Variants in SLIT3 observed in about 807,000 individuals in gnomAD.
SLIT3 encodes the protein slit homolog 3 protein.
In SLIT3, 68 loss-of-function variants were observed where a neutral mutation model predicts 184.0. The ratio of observed to expected loss-of-function variants is 0.37; its 90% confidence interval spans 0.30 to 0.45. SLIT3 has a LOEUF of 0.45. Ranked by LOEUF, SLIT3 falls within the 20% of genes least tolerant of loss-of-function variation. The pLI is 1.00. For missense variants in SLIT3, 1,707 were observed against 2,026.0 expected, an observed-to-expected ratio of 0.84 and a Z score of 3.02; for synonymous variants, 831 against 828.6, an observed-to-expected ratio of 1.00 and a Z score of -0.05.
chr5:168,858,746 T>A (rs73805263), intron 5 of SLIT3, among the ~76,000 whole-genome samples: 5,748 of 152,334 alleles, frequency 0.038, 385 homozygotes, highest in African/African-American at 0.13. Context: ...TTCTTTAAAA[T>A]GTTCCATTTC....
chr5:169,054,628 T>A (rs1757926560), intron 4 of SLIT3, among the ~76,000 whole-genome samples: 1 of 152,110 alleles, frequency 6.6e-6, no homozygotes. Flanking sequence ...TATTTCAAAG[T>A]AAAGTCCAAG....
chr5:169,273,021 C>G (rs899290435), intron 1 of SLIT3, among the ~76,000 whole-genome samples: 3 of 152,048 alleles, frequency 2.0e-5, no homozygotes, highest in Admixed American at 2.0e-4. Flanking sequence ...CCAAGAAACC[C>G]AAGAATAAAC....
chr5:168,855,157 A>G (rs1758818816), intron 5 of SLIT3, among the ~76,000 whole-genome samples: 1 of 152,172 alleles, frequency 6.6e-6, no homozygotes, highest in African/African-American at 2.4e-5. Context: ...AAGCCCTAGG[A>G]TCACATGAGA....
chr5:169,025,326 G>A lies in SLIT3; in HGVS notation c.414-141990C>T, dbSNP rs999471001. ...ACTTAGACTCCAGAGTTCCCAGCTC[G>A]TACCAGAAGGTACTTACTGAAAGTC... On this transcript the variant is annotated intron_variant, in intron 4 of 35. Coordinates refer to ENST00000519560, the MANE Select transcript of SLIT3 (RefSeq NM_003062.4). Among the ~76,000 whole-genome samples, 9 of 152,186 alleles carry A rather than the reference G, an allele frequency of 5.9e-5. 1 individual carries two copies. Among genetic ancestry groups the A allele is most frequent in the Non-Finnish European group, 1.2e-4 (8 of 68,038 alleles).
chr5:168,903,934 G>T (rs975858896), intron 4 of SLIT3, among the ~76,000 whole-genome samples: 6 of 152,222 alleles, frequency 3.9e-5, no homozygotes, highest in Non-Finnish European at 7.3e-5. Context: ...GACACTGGGT[G>T]GGATGACAGG....
intron 5 of SLIT3, among the ~76,000 whole-genome samples, chr5:168,846,271 G>A (rs1758462443): frequency 6.6e-6 from 1 of 152,116 alleles, no homozygotes; most frequent in African/African-American, 2.4e-5. Context: ...AGAAGCAGAA[G>A]CACATTTTCA....
intron 4 of SLIT3, among the ~76,000 whole-genome samples, chr5:169,126,319 GGAGA>G (rs1268368876): frequency 1.3e-5 from 2 of 152,168 alleles, no homozygotes; most frequent in African/African-American, 4.8e-5. Context: ...AAGGAAAGCA[GGAGA>G]GAGAGAGGAA....
chr5:169,062,938 A>C (rs1758226988), intron 4 of SLIT3, among the ~76,000 whole-genome samples: 1 of 152,236 alleles, frequency 6.6e-6, no homozygotes, highest in African/African-American at 2.4e-5. Flanking sequence ...CTGTGTGTGC[A>C]AGTGTGTATA....
At chr5:169,102,491 A>G (rs1253827871) in intron 4 of SLIT3, among the ~76,000 whole-genome samples, 2 of 152,172 alleles carry the variant, frequency 1.3e-5, no homozygotes, top group Non-Finnish European at 2.9e-5. Flanking sequence ...AATCATCTCT[A>G]GATTACTTAT....
At chr5:169,150,516 T>TACAC (rs58010997) in intron 4 of SLIT3, among the ~76,000 whole-genome samples, 5,270 of 145,392 alleles carry the variant, frequency 0.036, 235 homozygotes, top group East Asian at 0.26. Context: ...TTCACTCACA[T>TACAC]ACACACACAC....
chr5:169,047,080 A>G (rs536436645), intron 4 of SLIT3, among the ~76,000 whole-genome samples: 7 of 152,222 alleles, frequency 4.6e-5, no homozygotes, highest in African/African-American at 1.4e-4. Context: ...ACCAAAACCT[A>G]AAAAAACCCC....
At chr5:168,949,552 A>G (rs539666287) in intron 4 of SLIT3, among the ~76,000 whole-genome samples, 35 of 152,336 alleles carry the variant, frequency 2.3e-4, no homozygotes, top group Non-Finnish European at 4.3e-4. Context: ...CATGTAGACA[A>G]AAGACCCAAA....
rs557846479 is a variant in SLIT3, at chr5:169,026,806, C to T, written c.414-143470G>A. 5.7e-3 allele frequency among the ~76,000 whole-genome samples: 857 copies of T among 150,714 alleles called. 8 individuals carry two copies. The highest frequency in any genetic ancestry group is 0.02 in the African/African-American group (812 of 41,088). ...GAATACTATCATCAGAAAAAAAAAA[C>T]CCACCCCAAAACTCTAGAGCTACTT... On this transcript the variant is annotated intron_variant, in intron 4 of 35. Transcript: ENST00000519560.
intron 4 of SLIT3, among the ~76,000 whole-genome samples, chr5:169,129,537 G>A (rs1761214140): frequency 6.6e-6 from 1 of 152,118 alleles, no homozygotes; most frequent in Admixed American, 6.5e-5. Context: ...GGGCAATAGA[G>A]CGAGACTCAG....
chr5:168,712,741 C>G (rs1762598284), intron 23 of SLIT3: 1 of 179,136 alleles, frequency 5.6e-6, no homozygotes, highest in African/African-American at 2.4e-5. Flanking sequence ...AAGAGCTGTG[C>G]TTAAGACCGG....
At chr5:169,109,560 G>A (rs1406552108) in intron 4 of SLIT3, among the ~76,000 whole-genome samples, 1 of 152,198 alleles carries the variant, frequency 6.6e-6, no homozygotes, top group African/African-American at 2.4e-5. Context: ...CTTCTAAGCT[G>A]GTAGCAACTT....
At chr5:168,961,968 G>A (rs1170117775) in intron 4 of SLIT3, among the ~76,000 whole-genome samples, 5 of 152,090 alleles carry the variant, frequency 3.3e-5, no homozygotes, top group African/African-American at 1.2e-4. Flanking sequence ...ACAGGGGCAG[G>A]TCAGGGTGTT....
intron 14 of SLIT3, among the ~76,000 whole-genome samples, chr5:168,767,302 G>T (rs1561921405): frequency 6.6e-6 from 1 of 152,140 alleles, no homozygotes; most frequent in Non-Finnish European, 1.5e-5. Flanking sequence ...TCCCACCTTA[G>T]CTCTCTCTTG....
At chr5:169,111,401 T>C (rs898541097) in intron 4 of SLIT3, among the ~76,000 whole-genome samples, 1 of 152,240 alleles carries the variant, frequency 6.6e-6, no homozygotes, top group African/African-American at 2.4e-5. Flanking sequence ...CATGCAGTTA[T>C]AACATGAAAG....
Sources: allele counts gnomAD v4.1 joint callset (sites outside exome capture counted in the v4.1 genomes callset), GRCh38; gene constraint gnomAD v4.1.1; transcripts MANE v1.5; gene names NCBI Gene and HGNC (gene_info 2026-07-23, HGNC 2026-07-21).